Variants in ATP2C1 observed in about 807,000 individuals in gnomAD.
ATP2C1 encodes the protein calcium-transporting ATPase type 2C member 1.
In ATP2C1, 31 loss-of-function variants were observed where a neutral mutation model predicts 120.5. The ratio of observed to expected loss-of-function variants is 0.26; its 90% CI spans 0.19 to 0.35. ATP2C1 has a LOEUF of 0.35. Among genes scored for constraint, ATP2C1 ranks in the 10% least tolerant of loss-of-function variants. ATP2C1 has a pLI of 1.00. For synonymous variants in ATP2C1, 351 were observed against 358.7 expected, an observed-to-expected ratio of 0.98 and a Z score of 0.24; for missense variants, 731 against 1,107.5, an observed-to-expected ratio of 0.66 and a Z score of 4.83.
chr3:130,857,152 T>TA (rs768367764), intron 1 of ATP2C1, among the ~76,000 whole-genome samples: 17 of 152,252 alleles, frequency 1.1e-4, no homozygotes, highest in Non-Finnish European at 1.6e-4. Flanking sequence ...TGACAACCTT[T>TA]TCCTCTATCT....
At chr3:130,969,938 T>A (rs565308201) in intron 17 of ATP2C1, among the ~76,000 whole-genome samples, 2 of 152,372 alleles carry the variant, frequency 1.3e-5, no homozygotes, top group Middle Eastern at 6.8e-3. Flanking sequence ...GTTAGTGTAA[T>A]AAGAGTTCTG....
chr3:130,903,613 C>T (rs76135171), intron 2 of ATP2C1, among the ~76,000 whole-genome samples: 15,383 of 151,360 alleles, frequency 0.1, 1,066 homozygotes, highest in Middle Eastern at 0.17. Flanking sequence ...TTCTTTCTTT[C>T]TCTCCCTCCC....
chr3:130,963,858 G>T (rs957676859), intron 12 of ATP2C1, 113 bp from the exon 13 acceptor site: 3 of 1,270,572 alleles, frequency 2.4e-6, no homozygotes, highest in African/African-American at 2.9e-5. Context: ...TATTTTTTAG[G>T]TATTGACTAT....
chr3:130,850,839 C>G (rs2067652635), exon 1 of ATP2C1: 6 of 1,452,254 alleles, frequency 4.1e-6, no homozygotes, highest in Non-Finnish European at 5.4e-6. Context: ...TCTGTTGCCT[C>G]CATCTAGATT....
chr3:130,877,130 A>G (rs1392218587), intron 1 of ATP2C1, among the ~76,000 whole-genome samples: 2 of 152,310 alleles, frequency 1.3e-5, no homozygotes, highest in African/African-American at 2.4e-5. Context: ...TTTGTCTGAT[A>G]TAAGTATAGC....
chr3:131,002,838 G>A lies in ATP2C1; in HGVS notation c.*1488G>A. 1 of 985,816 alleles carries A rather than the reference G, an allele frequency of 1.0e-6. No individual in the cohort carries two copies. 61.1% of individuals were successfully genotyped at this position (985,816 alleles called of 1,614,324 possible). On this transcript the variant is annotated 3_prime_UTR_variant, in exon 28 of 28. Transcript: ENST00000510168. Reference sequence around the variant, plus strand: ...TTGAGTCATTGTTACTGAGGCAGTTGAGTGTAAGGAGCTGGCTGCAGTTTA... The same window carrying A: ...TTGAGTCATTGTTACTGAGGCAGTTAAGTGTAAGGAGCTGGCTGCAGTTTA...
chr3:130,979,181 C>G (rs1250860312), intron 18 of ATP2C1, 68 bp from the exon 19 acceptor site: 1 of 1,478,464 alleles, frequency 6.8e-7, no homozygotes, highest in Non-Finnish European at 9.4e-7. Flanking sequence ...CAATTTCTAT[C>G]AACTAAATTC....
intron 2 of ATP2C1, among the ~76,000 whole-genome samples, chr3:130,921,588 C>T (rs1277683566): frequency 6.6e-6 from 1 of 152,042 alleles, no homozygotes; most frequent in Non-Finnish European, 1.5e-5. Context: ...TGGCTGTGGG[C>T]TTTTCATATA....
chr3:130,930,382 A>G, intron 2 of ATP2C1, 34 bp from the exon 3 acceptor site: 1 of 1,332,366 alleles, frequency 7.5e-7, no homozygotes, highest in South Asian at 1.2e-5. Flanking sequence ...TGTTTGCTAT[A>G]TTCAAATATT....
intron 8 of ATP2C1, among the ~76,000 whole-genome samples, chr3:130,952,142 G>A (rs1053894730): frequency 2.0e-5 from 3 of 152,062 alleles, no homozygotes; most frequent in Non-Finnish European, 2.9e-5. Flanking sequence ...CTAAAATGTG[G>A]CTCTATCTTT....
upstream of ATP2C1, among the ~76,000 whole-genome samples, chr3:130,890,352 C>T (rs1330239698): frequency 1.3e-5 from 2 of 152,146 alleles, no homozygotes; most frequent in Non-Finnish European, 2.9e-5. Flanking sequence ...CACATGCATC[C>T]CATCGACACT....
intron 1 of ATP2C1, among the ~76,000 whole-genome samples, chr3:130,866,994 T>C (rs944912274): frequency 2.4e-4 from 36 of 152,246 alleles, no homozygotes; most frequent in African/African-American, 8.7e-4. Context: ...TGTTTCAAAC[T>C]TTCCCATTAT....
chr3:130,921,246 T>C (rs556579259), intron 2 of ATP2C1, among the ~76,000 whole-genome samples: 26 of 152,160 alleles, frequency 1.7e-4, no homozygotes, highest in African/African-American at 6.0e-4. Context: ...CACACCTGAC[T>C]AACTTTTGTA....
chr3:130,894,106 C>T lies in ATP2C1; in HGVS notation c.-412C>T. The stretch of plus-strand genomic sequence containing the variant: ...AGCAGACCAGCACGGCCTCGCGGAG[C>T]CGGCCCGGCGGACCGTGACGGGTCC... On this transcript the variant is annotated 5_prime_UTR_variant, in exon 1 of 28. Transcript: ENST00000510168. This position sits in a 1 kb window ranked among gnomAD's most constrained non-coding sequence, Gnocchi z 4.5. 1.0e-6 allele frequency: 1 copy of T among 973,836 alleles called. No homozygotes were observed. Among genetic ancestry groups the T allele is most frequent in the Non-Finnish European group, 1.2e-6 (1 of 819,394 alleles). 60.3% of individuals were successfully genotyped at this position (973,836 alleles called of 1,614,324 possible).
chr3:130,926,021 C>T (rs1449126899), intron 2 of ATP2C1, among the ~76,000 whole-genome samples: 7 of 152,138 alleles, frequency 4.6e-5, no homozygotes, highest in Admixed American at 3.3e-4. Flanking sequence ...TAGCCGGTTA[C>T]CAGGGTGGAT....
intron 2 of ATP2C1, chr3:130,899,605 G>C (rs774787920): frequency 1.8e-4 from 27 of 152,136 alleles, no homozygotes; most frequent in Non-Finnish European, 3.7e-4. Context: ...AGAGTCAACT[G>C]TGTATCTTCT....
intron 2 of ATP2C1, among the ~76,000 whole-genome samples, chr3:130,911,980 T>C (rs1252065825): frequency 3.2e-5 from 4 of 126,446 alleles, no homozygotes; most frequent in Non-Finnish European, 6.6e-5. Context: ...TTGACAAACC[T>C]GAGAAAAACA....
At chr3:130,988,914 G>C (rs2062156705) in intron 20 of ATP2C1, among the ~76,000 whole-genome samples, 1 of 152,034 alleles carries the variant, frequency 6.6e-6, no homozygotes, top group South Asian at 2.1e-4. Flanking sequence ...CCAATTGGAG[G>C]CCTCTAAATG....
chr3:130,851,724 G>A (rs2067682863), intron 1 of ATP2C1, among the ~76,000 whole-genome samples: 1 of 152,162 alleles, frequency 6.6e-6, no homozygotes, highest in Admixed American at 6.5e-5. Flanking sequence ...ATTCATTTAG[G>A]AAGAAGTGTG....
Sources: gnomAD v4.1 joint callset for allele counts (sites outside exome capture counted in the v4.1 genomes callset) on GRCh38, gnomAD v4.1.1 for gene constraint, Gnocchi (gnomAD v3.1) non-coding constraint, MANE v1.5 for transcripts, NCBI Gene and HGNC (gene_info 2026-07-23, HGNC 2026-07-21) for gene names.